Variants in ADK observed in about 807,000 individuals in gnomAD.
The protein encoded by ADK is adenosine kinase.
Under a neutral mutation model 44.7 loss-of-function variants are expected in ADK, and 24 were observed. The ratio of observed to expected loss-of-function variants is 0.54; its 90% CI spans 0.39 to 0.76. The LOEUF is 0.76. Ranked by LOEUF, ADK falls within the 30% of genes least tolerant of loss-of-function variation. The probability of loss-of-function intolerance (pLI) is 0.00; values close to 1 mark genes in which losing one functional copy is unlikely to be tolerated. For missense variants in ADK, 321 were observed against 425.1 expected (o/e 0.76, Z 2.15); for synonymous variants, 128 against 142.6 (o/e 0.90, Z 0.73).
chr10:74,267,790 G>GTGTGTCTGTC lies in ADK; in HGVS notation c.194+43202_194+43203insGTCTGTCTGT, dbSNP rs35081179. Reference sequence around the variant, plus strand: ...TGTGTGTGTGTGTGTGTGTGTGTGTGTGTCTGTCTGTCTGTTTTAGTGGCT... The same window carrying GTGTGTCTGTC: ...TGTGTGTGTGTGTGTGTGTGTGTGTGTGTGTCTGTCTGTCTGTCTGTCTGTTTTAGTGGCT... On this transcript the variant is annotated intron_variant, in intron 3 of 10. Coordinates refer to ENST00000539909, the MANE Select transcript of ADK (RefSeq NM_006721.4). 7.9e-3 allele frequency among the ~76,000 whole-genome samples: 1,146 copies of GTGTGTCTGTC among 145,656 alleles called. 5 individuals are homozygous for GTGTGTCTGTC. Among genetic ancestry groups the GTGTGTCTGTC allele is most frequent in the African/African-American group, 0.019 (733 of 37,598 alleles).
intron 6 of ADK, among the ~76,000 whole-genome samples, chr10:74,493,477 G>T (rs962422828): frequency 1.0e-4 from 15 of 150,660 alleles, no homozygotes; most frequent in South Asian, 2.1e-4. Flanking sequence ...GATATATATA[G>T]AGAGATATAT....
At chr10:74,472,171 C>G (rs913198714) in intron 6 of ADK, among the ~76,000 whole-genome samples, 3 of 152,054 alleles carry the variant, frequency 2.0e-5, no homozygotes, top group African/African-American at 7.2e-5. Flanking sequence ...CCACTGCACT[C>G]CAGTCTGGGT....
chr10:74,430,856 T>C (rs1278499332), intron 6 of ADK, among the ~76,000 whole-genome samples: 1 of 151,710 alleles, frequency 6.6e-6, no homozygotes, highest in Non-Finnish European at 1.5e-5. Flanking sequence ...CTAGAGTGTT[T>C]GAGACAGAGC....
chr10:74,589,300 A>G lies in ADK; in HGVS notation c.745A>G (p.Arg249Gly), dbSNP rs1228054661. 4.3e-6 allele frequency: 7 copies of G among 1,613,526 alleles called. No individual in the cohort carries two copies. Among genetic ancestry groups the G allele is most frequent in the Non-Finnish European group, 5.1e-6 (6 of 1,179,844 alleles). The change falls in exon 8 of 11, where the codon AGA becomes GGA. Residue 249 changes from arginine to glycine, a missense_variant. By Grantham distance (125) the Arg-to-Gly change is moderately radical. Transcript: ENST00000539909. ...ATTTCAGGAAGCTGCCACTTTTGCTAGAGAGCAAGGCTTTGAGGTGAGTTA... is the reference window on the plus strand; with the variant it reads ...ATTTCAGGAAGCTGCCACTTTTGCTGGAGAGCAAGGCTTTGAGGTGAGTTA... ...GNETEAATFA[R>G]EQGFETKDIK...
intron 7 of ADK, among the ~76,000 whole-genome samples, chr10:74,552,151 C>G (rs1476028063): frequency 6.6e-6 from 1 of 151,814 alleles, no homozygotes; most frequent in Non-Finnish European, 1.5e-5. Flanking sequence ...ACTTGGTTTT[C>G]CCCAACTGTT....
chr10:74,406,500 G>A (rs1190317764), intron 6 of ADK, among the ~76,000 whole-genome samples: 9 of 105,678 alleles, frequency 8.5e-5, no homozygotes, highest in African/African-American at 2.1e-4. Context: ...TTGGGACTCC[G>A]ATTAAAATAA....
At chr10:74,370,267 C>G (rs916953141) in intron 4 of ADK, among the ~76,000 whole-genome samples, 2 of 152,132 alleles carry the variant, frequency 1.3e-5, no homozygotes, top group African/African-American at 4.8e-5. Context: ...ATTCAAATCC[C>G]TATACTACTG....
intron 9 of ADK, among the ~76,000 whole-genome samples, chr10:74,667,336 T>C (rs1026297495): frequency 6.6e-6 from 1 of 152,100 alleles, no homozygotes; most frequent in African/African-American, 2.4e-5. Context: ...TATATACTTA[T>C]CTGTACTGAT....
chr10:74,232,777 C>T (rs545748666), intron 3 of ADK, among the ~76,000 whole-genome samples: 5 of 152,046 alleles, frequency 3.3e-5, no homozygotes, highest in East Asian at 1.9e-4. Context: ...AGGCGCACGC[C>T]GCCACACCCG....
intron 10 of ADK, among the ~76,000 whole-genome samples, chr10:74,704,480 C>T (rs1279465694): frequency 6.6e-6 from 1 of 152,106 alleles, no homozygotes; most frequent in African/African-American, 2.4e-5. Context: ...ACATCAGATA[C>T]TTTTTGAAGA....
intron 6 of ADK, among the ~76,000 whole-genome samples, chr10:74,498,835 A>G (rs1011578856): frequency 2.0e-5 from 3 of 152,344 alleles, no homozygotes; most frequent in African/African-American, 7.2e-5. Flanking sequence ...AGACTGGATT[A>G]AGAAAATGTG....
At chr10:74,666,730 T>C (rs1317835362) in intron 9 of ADK, among the ~76,000 whole-genome samples, 1 of 152,126 alleles carries the variant, frequency 6.6e-6, no homozygotes, top group Non-Finnish European at 1.5e-5. Context: ...CCTGTAAGTG[T>C]ATATTCAGAT....
chr10:74,425,468 TG>T (rs1048877187), intron 6 of ADK, among the ~76,000 whole-genome samples: 2 of 151,840 alleles, frequency 1.3e-5, no homozygotes, highest in African/African-American at 4.8e-5. Flanking sequence ...CCCTAAACCT[TG>T]GGTTCAGTAG....
At chr10:74,380,141 T>C (rs1842934105) in intron 4 of ADK, among the ~76,000 whole-genome samples, 1 of 152,232 alleles carries the variant, frequency 6.6e-6, no homozygotes, top group African/African-American at 2.4e-5. Flanking sequence ...TGTAATGTTT[T>C]TGTTTGCTAT....
At chr10:74,635,199 T>C (rs1439438102) in intron 9 of ADK, among the ~76,000 whole-genome samples, 9 of 152,204 alleles carry the variant, frequency 5.9e-5, no homozygotes, top group Admixed American at 5.9e-4. Flanking sequence ...TTAATTAGAC[T>C]ACTACTGAAA....
intron 6 of ADK, among the ~76,000 whole-genome samples, chr10:74,431,096 C>A: frequency 7.4e-6 from 1 of 135,258 alleles, no homozygotes; most frequent in South Asian, 2.4e-4. Flanking sequence ...AAAAAAGAGG[C>A]TGCCCATGTG....
chr10:74,492,963 T>C (rs151212516), intron 6 of ADK, among the ~76,000 whole-genome samples: 53 of 152,316 alleles, frequency 3.5e-4, no homozygotes, highest in African/African-American at 1.3e-3. Flanking sequence ...TCTCATTACA[T>C]GTTCACATGC....
chr10:74,323,013 ACTCTTGTG>A (rs2131826609), intron 4 of ADK, among the ~76,000 whole-genome samples: 1 of 152,256 alleles, frequency 6.6e-6, no homozygotes, highest in Admixed American at 6.5e-5. Context: ...ACATATCTCT[ACTCTTGTG>A]GGCCTTAATG....
Position 74,525,308 on chromosome 10 carries a change from C to A in ADK, c.608C>A (p.Ala203Asp). ...TCAGTATTAAAGGTGGCTCACCATG[C>A]TTCTGAAAACAACAGGATTTTCACT... Reference protein sequence around the residue: ...PESVLKVAHHASENNRIFTLN... With the variant: ...PESVLKVAHHDSENNRIFTLN... The change falls in exon 7 of 11, where the codon GCT (alanine) becomes GAT (aspartate). Residue 203 changes from alanine to aspartate, a missense_variant. Transcript: ENST00000539909. The A allele has an allele frequency of 6.2e-7, 1 of 1,613,760 alleles. No individual in the cohort carries two copies. The highest frequency in any genetic ancestry group is 8.5e-7 in the Non-Finnish European group (1 of 1,179,852).
Sources: allele counts gnomAD v4.1 joint callset (sites outside exome capture counted in the v4.1 genomes callset), GRCh38; gene constraint gnomAD v4.1.1; transcripts MANE v1.5; gene names NCBI Gene and HGNC (gene_info 2026-07-23, HGNC 2026-07-21).